The following PPP6R1 variants were observed in gnomAD, a reference collection of about 807,000 sequenced individuals.
PPP6R1 encodes the protein serine/threonine-protein phosphatase 6 regulatory subunit 1.
A neutral mutation model predicts 104.6 loss-of-function variants in PPP6R1; 39 were observed. That is an observed-to-expected ratio of 0.37 (90% CI 0.29 to 0.49). The LOEUF (loss-of-function observed/expected upper bound fraction) is 0.49, where lower values mean the gene tolerates loss of function less well. Ranked by LOEUF, PPP6R1 falls within the 20% of genes least tolerant of loss-of-function variation. The probability of loss-of-function intolerance (pLI) is 0.98; values close to 1 mark genes in which losing one functional copy is unlikely to be tolerated. For missense variants in PPP6R1, 1,181 were observed against 1,155.8 expected, an observed-to-expected ratio of 1.02 and a Z score of -0.32; for synonymous variants, 549 against 479.0, an observed-to-expected ratio of 1.15 and a Z score of -1.91.
chr19:55,234,653 CA>C, intron 17 of PPP6R1, among the ~76,000 whole-genome samples: 1 of 104,406 alleles, frequency 9.6e-6, no homozygotes, highest in South Asian at 2.3e-4. Context: ...GCCGCACTCA[CA>C]GCGGCTGCAC....
At chr19:55,228,975 C>T (rs998305003), downstream of PPP6R1, 12 of 515,662 alleles carry the variant, frequency 2.3e-5, no homozygotes, top group East Asian at 1.8e-4. Context: ...ACATGGCTTC[C>T]TCCTCCTATC....
At chr19:55,231,370 G>C (rs1378297649) in intron 21 of PPP6R1, 40 bp downstream of exon 21, 4 of 1,534,890 alleles carry the variant, frequency 2.6e-6, no homozygotes, top group Non-Finnish European at 3.5e-6. Context: ...GAGGAGAAAA[G>C]ACTTCTCCCG....
chr19:55,247,387 G>A, intron 1 of PPP6R1: 2 of 474,852 alleles, frequency 4.2e-6, no homozygotes, highest in Non-Finnish European at 7.7e-6. Flanking sequence ...CGCCTCGCCT[G>A]AGGTCCAGGG....
chr19:55,251,373 G>A (rs1380210806), intron 1 of PPP6R1, among the ~76,000 whole-genome samples: 1 of 152,110 alleles, frequency 6.6e-6, no homozygotes, highest in East Asian at 1.9e-4. Flanking sequence ...TTTTCACAAG[G>A]CCCCAGCTCC....
At position 55,251,636 on chromosome 19, in the gene PPP6R1, C is replaced by G. The variant is rs143254448; in HGVS notation, c.-6-4527G>C. ...CCTCTGTGTGCACAGTGGTAACTCC[C>G]CACCTCCCCACTTCTGCCCAGATGC... On this transcript the variant is annotated intron_variant, in intron 1 of 23. Transcript: ENST00000412770. 8.4e-3 allele frequency among the ~76,000 whole-genome samples: 1,272 copies of G among 152,280 alleles called. 9 individuals are homozygous for G. The highest frequency in any genetic ancestry group is 0.051 in the Middle Eastern group (15 of 294).
At chr19:55,237,679 T>G (rs1225504284) in intron 15 of PPP6R1, among the ~76,000 whole-genome samples, 1 of 152,166 alleles carries the variant, frequency 6.6e-6, no homozygotes, top group African/African-American at 2.4e-5. Flanking sequence ...CGCACTTCAT[T>G]CTCACAACCA....
intron 1 of PPP6R1, among the ~76,000 whole-genome samples, chr19:55,253,363 C>G (rs1242382542): frequency 6.6e-6 from 1 of 152,240 alleles, no homozygotes; most frequent in Non-Finnish European, 1.5e-5. Flanking sequence ...TCTAAGATAC[C>G]TGATTAAAGG....
In PPP6R1 at chr19:55,247,067, G is replaced by T; in HGVS notation, c.37C>A (p.Leu13Met). 1 of 1,613,698 alleles carries T rather than the reference G, an allele frequency of 6.2e-7. No individual in the cohort carries two copies. ...WKFDLHTSSH[L>M]DTLLEREDLS... ...TCCTCCCGCTCCAGCAGCGTGTCCA[G>T]GTGCGAGCTTGTGTGCAGGTCAAAC... is the stretch of plus-strand genomic sequence containing the variant. Residue 13 changes from leucine (L) to methionine (M), a missense_variant, in exon 2 of 24, where the codon CTG becomes ATG. This residue lies in a region of PPP6R1 where 139 missense variants were observed against 200.1 expected (regional missense o/e 0.69). Transcript: ENST00000412770.
At chr19:55,238,325 G>A (rs570412105) in intron 15 of PPP6R1, among the ~76,000 whole-genome samples, 1 of 152,358 alleles carries the variant, frequency 6.6e-6, no homozygotes, top group African/African-American at 2.4e-5. Flanking sequence ...GTCTGCATCT[G>A]AGAGGACCTC....
chr19:55,243,227 A>C (rs1395817304), intron 5 of PPP6R1, among the ~76,000 whole-genome samples: 1 of 152,086 alleles, frequency 6.6e-6, no homozygotes, highest in Non-Finnish European at 1.5e-5. Flanking sequence ...AGCCTGGCCA[A>C]CATGGTGAAA....
At chr19:55,243,206 A>G (rs924062254) in intron 5 of PPP6R1, among the ~76,000 whole-genome samples, 2 of 152,092 alleles carry the variant, frequency 1.3e-5, no homozygotes, top group East Asian at 1.9e-4. Context: ...CGAGGTCAGG[A>G]GTTTGAGACC....
Position 55,245,590 on chromosome 19 carries a change from G to T in PPP6R1, c.316C>A (p.Leu106Ile), listed in dbSNP as rs1405978992. 1 of 1,612,960 alleles carries T rather than the reference G, an allele frequency of 6.2e-7. No individual in the cohort carries two copies. Among genetic ancestry groups the T allele is most frequent in the East Asian group, 2.2e-5 (1 of 44,860 alleles). ...CCGGTGCTCTGCAGGAAGCCGTAGA[G>T]CCGGTTCAGAAGGGACTCATCAGCA... is the stretch of plus-strand genomic sequence containing the variant. ...LGADESLLNR[L>I]YGFLQSTGSL... The change falls in exon 3 of 24, where the codon CTC becomes ATC. Residue 106 changes from leucine (L) to isoleucine (I), a missense_variant. Around this residue, in one of 2 missense-constraint regions of PPP6R1, gnomAD observed 139 missense variants for 200.1 expected, o/e 0.69. Coordinates refer to ENST00000412770, the MANE Select transcript of PPP6R1 (RefSeq NM_014931.4). The surrounding 1 kb of genome is among the most constrained non-coding windows in gnomAD (Gnocchi z 6.4).
At chr19:55,237,364 C>T (rs1381856340) in intron 15 of PPP6R1, among the ~76,000 whole-genome samples, 1 of 152,116 alleles carries the variant, frequency 6.6e-6, no homozygotes, top group African/African-American at 2.4e-5. Context: ...ACCAGCCAGG[C>T]ACAAGCAGAA....
intron 1 of PPP6R1, among the ~76,000 whole-genome samples, chr19:55,252,523 G>A (rs1266322295): frequency 6.6e-6 from 1 of 151,864 alleles, no homozygotes; most frequent in Non-Finnish European, 1.5e-5. Context: ...CTCAGCCTGA[G>A]TACCTGGGAT....
At chr19:55,234,236 C>T (rs181082637) in intron 17 of PPP6R1, among the ~76,000 whole-genome samples, 13 of 152,194 alleles carry the variant, frequency 8.5e-5, no homozygotes, top group Admixed American at 5.9e-4. Flanking sequence ...TGTGAGCCAC[C>T]GTGCCCAACA....
intron 1 of PPP6R1, among the ~76,000 whole-genome samples, chr19:55,257,937 G>A (rs1482345621): frequency 6.6e-6 from 1 of 152,254 alleles, no homozygotes; most frequent in East Asian, 1.9e-4. Context: ...GCCGGAGGCG[G>A]GAGAGGGTCG....
rs1020623645 is a variant in PPP6R1, at chr19:55,245,204, G to A, written c.553-19C>T. 1.2e-6 allele frequency: 2 copies of A among 1,610,636 alleles called. No individual in the cohort carries two copies. The highest frequency in any genetic ancestry group is 1.7e-6 in the Non-Finnish European group (2 of 1,178,622). ...TGAGCCACTGAGGGTGAGAAGGCGA[G>A]GGATGCATCGCTGTCCACCACGCCC... is the stretch of plus-strand genomic sequence containing the variant. On this transcript the variant is annotated intron_variant, in intron 4 of 23. Coordinates refer to ENST00000412770, the MANE Select transcript of PPP6R1 (RefSeq NM_014931.4). This position sits in a 1 kb window ranked among gnomAD's most constrained non-coding sequence, Gnocchi z 6.4.
intron 1 of PPP6R1, among the ~76,000 whole-genome samples, chr19:55,247,955 A>G (rs1378689896): frequency 1.3e-5 from 2 of 152,320 alleles, no homozygotes; most frequent in Non-Finnish European, 2.9e-5. Flanking sequence ...CCCCATCTGG[A>G]GCTGGCTCCC....
chr19:55,234,849 C>T (rs2122548441), intron 17 of PPP6R1, among the ~76,000 whole-genome samples: 1 of 152,308 alleles, frequency 6.6e-6, no homozygotes, highest in East Asian at 1.9e-4. Context: ...AAAGGAGATG[C>T]TGTATGCTAT....
Sources: gnomAD v4.1 joint callset for allele counts (sites outside exome capture counted in the v4.1 genomes callset) on GRCh38, gnomAD v4.1.1 for gene constraint, gnomAD v4.1.1 regional missense constraint, Gnocchi (gnomAD v3.1) non-coding constraint, MANE v1.5 for transcripts, NCBI Gene and HGNC (gene_info 2026-07-23, HGNC 2026-07-21) for gene names.